The following INO80 variants were observed in gnomAD, a reference collection of about 807,000 sequenced individuals.
INO80 encodes the protein INO80 complex ATPase subunit.
A neutral mutation model predicts 203.4 loss-of-function variants in INO80; 20 were observed. That is an observed-to-expected ratio of 0.10 (90% CI 0.07 to 0.14). The LOEUF (loss-of-function observed/expected upper bound fraction) is 0.14. INO80 is among the 10% of genes least tolerant of loss of function. The pLI is 1.00. For missense variants in INO80, 1,419 were observed against 1,914.4 expected (o/e 0.74, Z 4.83); for synonymous variants, 726 against 685.2 (o/e 1.06, Z -0.93).
chr15:41,059,992 A>G, intron 14 of INO80, 66 bp from the exon 15 acceptor site: 1 of 1,073,384 alleles, frequency 9.3e-7, no homozygotes, highest in Non-Finnish European at 1.4e-6. Context: ...GAACAAATAT[A>G]TAATTCGGAA....
At chr15:40,994,362 T>C (rs937873581) in intron 29 of INO80, among the ~76,000 whole-genome samples, 1 of 152,146 alleles carries the variant, frequency 6.6e-6, no homozygotes, top group Non-Finnish European at 1.5e-5. Flanking sequence ...ATTCATATTA[T>C]CAGTTTTTTG....
intron 19 of INO80, among the ~76,000 whole-genome samples, chr15:41,051,021 C>T (rs2044859426): frequency 1.3e-5 from 2 of 149,936 alleles, no homozygotes; most frequent in African/African-American, 4.9e-5. Context: ...CCCAGCTACT[C>T]AGGAGGCTGA....
intron 26 of INO80, 23 bp downstream of exon 26, chr15:41,020,877 T>C: frequency 4.0e-6 from 6 of 1,505,402 alleles, no homozygotes; most frequent in Non-Finnish European, 5.5e-6. Flanking sequence ...GAGGAACACA[T>C]TCCAAGAGGA....
intron 22 of INO80, among the ~76,000 whole-genome samples, 187 bp downstream of exon 22, chr15:41,048,025 A>C (rs992401171): frequency 3.3e-5 from 5 of 152,234 alleles, no homozygotes; most frequent in Non-Finnish European, 7.3e-5. Flanking sequence ...TTTTCCTCTC[A>C]TAGCTACAAA....
intron 7 of INO80, among the ~76,000 whole-genome samples, chr15:41,084,531 C>T (rs1388041282): frequency 6.6e-6 from 1 of 152,006 alleles, no homozygotes; most frequent in Non-Finnish European, 1.5e-5. Flanking sequence ...TGCAATCCAG[C>T]CCAGGCGACA....
chr15:41,056,822 T>C, intron 16 of INO80, 116 bp from the exon 17 acceptor site: 1 of 753,698 alleles, frequency 1.3e-6, no homozygotes, highest in Non-Finnish European at 2.3e-6. Context: ...CAGAATCAAG[T>C]ACTCCATCAT....
At chr15:41,099,286 CACA>C (rs1468720317) in intron 1 of INO80, among the ~76,000 whole-genome samples, 1 of 122,392 alleles carries the variant, frequency 8.2e-6, no homozygotes, top group African/African-American at 3.1e-5. Flanking sequence ...CACACACACA[CACA>C]ACAAGAGAGT....
At chr15:41,104,187 T>C (rs949596920) in intron 1 of INO80, among the ~76,000 whole-genome samples, 4 of 105,884 alleles carry the variant, frequency 3.8e-5, no homozygotes, top group Non-Finnish European at 7.1e-5. Flanking sequence ...GCCTGGGCAA[T>C]GAGAGCAAAA....
At chr15:41,022,833 G>A (rs1432328590) in intron 25 of INO80, among the ~76,000 whole-genome samples, 1 of 152,138 alleles carries the variant, frequency 6.6e-6, no homozygotes, top group Non-Finnish European at 1.5e-5. Context: ...TGAGCATGGT[G>A]GCTCACACCT....
chr15:41,057,433 C>A (rs1268216135), intron 16 of INO80, among the ~76,000 whole-genome samples: 4 of 141,770 alleles, frequency 2.8e-5, no homozygotes, highest in Admixed American at 7.2e-5. Context: ...CCATCCTGGG[C>A]AACAGAGCAA....
chr15:40,998,069 T>C (rs1295879175), intron 28 of INO80, among the ~76,000 whole-genome samples: 1 of 140,948 alleles, frequency 7.1e-6, no homozygotes, highest in Non-Finnish European at 1.5e-5. Context: ...TCGCCCAGGC[T>C]GGAGTGTAGA....
intron 35 of INO80, among the ~76,000 whole-genome samples, chr15:40,980,974 G>A (rs1379707019): frequency 6.6e-6 from 1 of 152,178 alleles, no homozygotes; most frequent in Non-Finnish European, 1.5e-5. Context: ...TCCAAGGCCT[G>A]TGTCACTTCA....
At chr15:40,984,010 G>T in intron 33 of INO80, 89 bp from the exon 34 acceptor site, 1 of 1,483,636 alleles carries the variant, frequency 6.7e-7, no homozygotes, top group Non-Finnish European at 9.3e-7. Flanking sequence ...TCACAGTTGA[G>T]GCTGCTTTGG....
chr15:41,071,817 A>G, intron 12 of INO80, 32 bp downstream of exon 12: 1 of 1,528,832 alleles, frequency 6.5e-7, no homozygotes, highest in Non-Finnish European at 9.1e-7. Flanking sequence ...AAAAGAGATA[A>G]TAGAAGAGAA....
intron 25 of INO80, among the ~76,000 whole-genome samples, chr15:41,022,934 C>T (rs768785140): frequency 9.2e-5 from 14 of 151,736 alleles, no homozygotes; most frequent in South Asian, 2.1e-4. Context: ...AACCCCATCT[C>T]TACAAAAAAT....
rs749969941 is a variant in INO80 at position 41,079,859 on chromosome 15, C to A, written c.973G>T (p.Ala325Ser). 3 of 1,613,958 alleles carry A rather than the reference C, an allele frequency of 1.9e-6. No individual in the cohort carries two copies. In the African/African-American group the frequency reaches 4.0e-5, roughly 22 times the overall value. Reference protein sequence around the residue: ...MKEVRRAALQAQKNCKETLPR... With the variant: ...MKEVRRAALQSQKNCKETLPR... ...AAGGTTTCCTTACAGTTCTTCTGGG[C>A]CTGCAAGGCAGCTCGACGCACCTCC... Residue 325 changes from alanine (A) to serine (S), a missense_variant, in exon 9 of 36, where the codon GCC (alanine) becomes TCC (serine). Ala to Ser is a moderately conservative substitution (Grantham distance 99). Around this residue, in one of 9 missense-constraint regions of INO80, gnomAD observed 87 missense variants for 150.5 expected, o/e 0.58. Transcript: ENST00000648947.
In INO80 at chr15:41,008,691, T is replaced by TA. The variant is rs544882259; in HGVS notation, c.3403-3005dup. On this transcript the variant is annotated intron_variant, in intron 27 of 35. Coordinates refer to ENST00000648947, the MANE Select transcript of INO80 (RefSeq NM_017553.3). ...TATATCAGCAGCTGAGAGCAACCAC[T>TA]AGAAAGGGAAGGCAAGGCAGTTTCC... 2.8e-3 allele frequency among the ~76,000 whole-genome samples: 427 copies of TA among 152,256 alleles called. 1 individual carries two copies. Among genetic ancestry groups the TA allele is most frequent in the Admixed American group, 6.2e-3 (94 of 15,284 alleles).
intron 29 of INO80, among the ~76,000 whole-genome samples, chr15:40,990,250 T>C (rs1232720446): frequency 3.9e-5 from 6 of 152,228 alleles, no homozygotes; most frequent in African/African-American, 7.2e-5. Flanking sequence ...AAACTTGGCA[T>C]TGCCTACCTA....
chr15:41,062,071 AAT>A (rs1254115468), intron 14 of INO80, among the ~76,000 whole-genome samples: 1 of 152,176 alleles, frequency 6.6e-6, no homozygotes, highest in Non-Finnish European at 1.5e-5. Context: ...GATTAATAAA[AAT>A]TGAATATACA....
Sources: gnomAD v4.1 joint callset for allele counts (sites outside exome capture counted in the v4.1 genomes callset) on GRCh38, gnomAD v4.1.1 for gene constraint, gnomAD v4.1.1 regional missense constraint, MANE v1.5 for transcripts, NCBI Gene and HGNC (gene_info 2026-07-23, HGNC 2026-07-21) for gene names.